The following CLEC16A variants were observed in gnomAD, a reference collection of about 807,000 sequenced individuals.
CLEC16A encodes the protein C-type lectin domain containing 16A, also known as protein CLEC16A.
Under a neutral mutation model 109.5 loss-of-function variants are expected in CLEC16A, and 51 were observed. That is an observed-to-expected ratio of 0.47 (90% CI 0.37 to 0.59). The LOEUF is 0.59. CLEC16A is among the 20% of genes least tolerant of loss of function. The pLI, the probability that CLEC16A is intolerant of heterozygous loss-of-function variation, is 0.00. For missense variants in CLEC16A, 1,339 were observed against 1,394.0 expected (o/e 0.96, Z 0.63); for synonymous variants, 673 against 564.2 (o/e 1.19, Z -2.73).
At chr16:10,958,593 G>C (rs142601327) in intron 2 of CLEC16A, among the ~76,000 whole-genome samples, 2 of 152,244 alleles carry the variant, frequency 1.3e-5, no homozygotes, top group East Asian at 3.9e-4. Context: ...AGACAGACGT[G>C]CCTCACTGGA....
At chr16:11,134,773 A>G (rs2053461148) in intron 22 of CLEC16A, among the ~76,000 whole-genome samples, 1 of 152,216 alleles carries the variant, frequency 6.6e-6, no homozygotes, top group Non-Finnish European at 1.5e-5. Flanking sequence ...TGACTGAGCT[A>G]CTTCGCATGG....
At chr16:11,077,379 G>C (rs2049434079) in intron 19 of CLEC16A, among the ~76,000 whole-genome samples, 1 of 151,892 alleles carries the variant, frequency 6.6e-6, no homozygotes, top group South Asian at 2.1e-4. Flanking sequence ...GACTGAGGCA[G>C]GGGAATTGCT....
In CLEC16A at chr16:11,075,398, G is replaced by GTGTGTC. The variant is rs749178912; in HGVS notation, c.2116+14381_2116+14382insCTGTGT. 4.1e-3 allele frequency among the ~76,000 whole-genome samples: 557 copies of GTGTGTC among 134,460 alleles called. 4 individuals carry two copies. Among genetic ancestry groups the GTGTGTC allele is most frequent in the East Asian group, 8.8e-3 (43 of 4,860 alleles). 88.2% of individuals were successfully genotyped at this position (134,460 alleles called of 152,430 possible). On this transcript the variant is annotated intron_variant, in intron 19 of 23. Coordinates refer to ENST00000409790, the MANE Select transcript of CLEC16A (RefSeq NM_015226.3). ...TATGTCTGTGTGTGTGTGTGTGTGT[G>GTGTGTC]TGTGTGTGTGTGTCTGTGTGTGTGT... is the stretch of plus-strand genomic sequence containing the variant.
chr16:11,178,348 T>G lies in CLEC16A; in HGVS notation c.2820T>G (p.Ser940Arg). Residue 940 changes from serine to arginine, a missense_variant, in exon 24 of 24, where the codon AGT (serine) becomes AGG (arginine). Coordinates refer to ENST00000409790, the MANE Select transcript of CLEC16A (RefSeq NM_015226.3). The surrounding 1 kb of genome is among the most constrained non-coding windows in gnomAD (Gnocchi z 6.5). ...CCCCCAATCCAGATGCCCCCATGAG[T>G]CCAGAACTGCCTAAGCCTCACCTTC... ...TAQSPADAPMSPELPKPHLPD... is the reference protein window; with the variant it reads ...TAQSPADAPMRPELPKPHLPD... 1 of 1,610,342 alleles carries G rather than the reference T, an allele frequency of 6.2e-7. No individual in the cohort carries two copies. Among genetic ancestry groups the G allele is most frequent in the Non-Finnish European group, 8.5e-7 (1 of 1,177,572 alleles).
intron 9 of CLEC16A, among the ~76,000 whole-genome samples, chr16:10,980,437 C>G (rs1229626910): frequency 2.0e-5 from 3 of 151,984 alleles, no homozygotes; most frequent in Admixed American, 6.6e-5. Context: ...GCTTGAGATT[C>G]TGAGAGTCCA....
intron 19 of CLEC16A, among the ~76,000 whole-genome samples, chr16:11,085,919 G>A (rs776688798): frequency 6.6e-6 from 1 of 152,174 alleles, no homozygotes; most frequent in African/African-American, 2.4e-5. Flanking sequence ...CTGAGATTGG[G>A]CGGGGACAAA....
rs1212652415 is a variant in CLEC16A, at chr16:11,089,614, CTG to C, written c.2116+28595_2116+28596del. Among the ~76,000 whole-genome samples the C allele has an allele frequency of 2.8e-5, 4 of 144,456 alleles. No homozygotes were observed. In the East Asian group the frequency reaches 7.7e-4, roughly 28 times the overall value. 94.8% of individuals were successfully genotyped at this position (144,456 alleles called of 152,430 possible). On this transcript the variant is annotated intron_variant, in intron 19 of 23. Transcript: ENST00000409790. ...ACTGGCCCCTGTTGGTCTTTGTCAT[CTG>C]TGCCAGCATGACGAGCAGAAGCTTA...
At chr16:10,982,725 T>C (rs1157876713) in intron 9 of CLEC16A, among the ~76,000 whole-genome samples, 153 bp from the exon 10 acceptor site, 2 of 152,216 alleles carry the variant, frequency 1.3e-5, no homozygotes. Flanking sequence ...CGAGTCCTGC[T>C]TCCTGTGGCT....
chr16:11,176,286 G>A (rs2068743106), intron 23 of CLEC16A, among the ~76,000 whole-genome samples: 1 of 152,256 alleles, frequency 6.6e-6, no homozygotes, highest in Admixed American at 6.5e-5. Context: ...TGTTTACTCA[G>A]CATTTCTGGG....
At chr16:11,153,843 T>C (rs2054394244) in intron 22 of CLEC16A, among the ~76,000 whole-genome samples, 1 of 152,184 alleles carries the variant, frequency 6.6e-6, no homozygotes, top group Non-Finnish European at 1.5e-5. Flanking sequence ...ATTTTTAATG[T>C]TGGACACATT....
rs2042245925 is a variant in CLEC16A at position 10,961,474 on chromosome 16, G to C, written c.210-981G>C. On this transcript the variant is annotated intron_variant, in intron 2 of 23. Coordinates refer to ENST00000409790, the MANE Select transcript of CLEC16A (RefSeq NM_015226.3). This position sits in a 1 kb window ranked among gnomAD's most constrained non-coding sequence, Gnocchi z 4.3. ...CCAGATGCAAGATTATCTGGTGTTAGCTTGAGTACAGAGAACACATAACTA... is the reference window on the plus strand; with the variant it reads ...CCAGATGCAAGATTATCTGGTGTTACCTTGAGTACAGAGAACACATAACTA... Among the ~76,000 whole-genome samples, 1 of 152,168 alleles carries C rather than the reference G, an allele frequency of 6.6e-6. No individual in the cohort carries two copies. The highest frequency in any genetic ancestry group is 1.5e-5 in the Non-Finnish European group (1 of 68,030).
At chr16:11,093,703 A>C (rs997244923) in intron 19 of CLEC16A, among the ~76,000 whole-genome samples, 1 of 152,162 alleles carries the variant, frequency 6.6e-6, no homozygotes, top group Non-Finnish European at 1.5e-5. Flanking sequence ...CGTGTACAAG[A>C]CTGAGCAAGA....
At chr16:11,020,892 C>T (rs1002980342) in intron 12 of CLEC16A, among the ~76,000 whole-genome samples, 2 of 152,232 alleles carry the variant, frequency 1.3e-5, no homozygotes, top group Non-Finnish European at 2.9e-5. Context: ...GCCATAGCAC[C>T]AGCCCCTCCA....
At chr16:10,995,684 T>C (rs1213362410) in intron 10 of CLEC16A, among the ~76,000 whole-genome samples, 2 of 152,180 alleles carry the variant, frequency 1.3e-5, no homozygotes, top group Non-Finnish European at 2.9e-5. Context: ...GATATGGAAC[T>C]ACTCTTGTCT....
intron 22 of CLEC16A, among the ~76,000 whole-genome samples, chr16:11,155,372 A>G (rs186543798): frequency 6.6e-6 from 1 of 152,112 alleles, no homozygotes; most frequent in East Asian, 1.9e-4. Context: ...GAGCCACGGC[A>G]CTCTCCTCAC....
At chr16:11,148,516 T>C (rs941332117) in intron 22 of CLEC16A, among the ~76,000 whole-genome samples, 1 of 152,210 alleles carries the variant, frequency 6.6e-6, no homozygotes, top group Non-Finnish European at 1.5e-5. Flanking sequence ...ATGTATGACA[T>C]AGGGATTATT....
intron 22 of CLEC16A, among the ~76,000 whole-genome samples, chr16:11,164,693 C>CCGCTGAT (rs2054842914): frequency 6.6e-6 from 1 of 152,238 alleles, no homozygotes; most frequent in African/African-American, 2.4e-5. Flanking sequence ...CTCAACTCTG[C>CCGCTGAT]CGCTGATCGA....
At chr16:11,047,010 A>G (rs374798106) in intron 16 of CLEC16A, among the ~76,000 whole-genome samples, 3 of 149,120 alleles carry the variant, frequency 2.0e-5, no homozygotes, top group African/African-American at 7.3e-5. Context: ...TTAATCCTAC[A>G]TAGTAGTTTT....
At chr16:10,949,469 C>T (rs2041610910) in intron 1 of CLEC16A, among the ~76,000 whole-genome samples, 1 of 151,936 alleles carries the variant, frequency 6.6e-6, no homozygotes, top group South Asian at 2.1e-4. Flanking sequence ...ATGTTTCAGG[C>T]AGAGGAAAAG....
Sources: gnomAD v4.1 joint callset for allele counts (sites outside exome capture counted in the v4.1 genomes callset) on GRCh38, gnomAD v4.1.1 for gene constraint, Gnocchi (gnomAD v3.1) non-coding constraint, MANE v1.5 for transcripts, NCBI Gene and HGNC (gene_info 2026-07-23, HGNC 2026-07-21) for gene names.